The following PPIA variants were observed in gnomAD, a reference collection of about 807,000 sequenced individuals.
PPIA encodes the protein peptidyl-prolyl cis-trans isomerase A.
In PPIA, 2 loss-of-function variants were observed where a neutral mutation model predicts 15.3. The observed-to-expected ratio is 0.13, with a 90% confidence interval of 0.05 to 0.41. PPIA has a LOEUF of 0.41. PPIA is among the 10% of genes least tolerant of loss of function. PPIA has a pLI of 0.99. For missense variants in PPIA, 103 were observed against 210.3 expected (o/e 0.49, Z 3.16); for synonymous variants, 67 against 73.1 (o/e 0.92, Z 0.43).
At chr7:44,798,496 T>C (rs2331170) in intron 1 of PPIA, 150,844 of 155,068 alleles carry the variant, frequency 0.97, 73,514 homozygotes, top group East Asian at 1. Context: ...CTGGTGACAG[T>C]GAGACTCTTG....
At chr7:44,797,725 A>G (rs1792423424) in intron 1 of PPIA, among the ~76,000 whole-genome samples, 1 of 152,256 alleles carries the variant, frequency 6.6e-6, no homozygotes, top group Non-Finnish European at 1.5e-5. Flanking sequence ...CGTGTCTTCA[A>G]AGTTAAATAT....
At chr7:44,799,598 C>A in intron 3 of PPIA, 104 bp from the exon 4 acceptor site, 1 of 1,574,512 alleles carries the variant, frequency 6.4e-7, no homozygotes, top group Non-Finnish European at 8.7e-7. Flanking sequence ...TTCTATTTAA[C>A]CCTTCTATTC....
rs1193147082 is a variant in PPIA at position 44,801,909 on chromosome 7, A to G, written c.*487A>G. On this transcript the variant is annotated 3_prime_UTR_variant, in exon 5 of 5. Coordinates refer to ENST00000468812, the MANE Select transcript of PPIA (RefSeq NM_021130.5). Reference sequence around the variant, plus strand: ...CAACATAGTGAGACGCTGTCTCTACAAAAAATAATTAGCCTGGCCTGGTGG... The same window carrying G: ...CAACATAGTGAGACGCTGTCTCTACGAAAAATAATTAGCCTGGCCTGGTGG... 2 of 163,686 alleles carry G rather than the reference A, an allele frequency of 1.2e-5. No homozygotes were observed. The highest frequency in any genetic ancestry group is 2.5e-5 in the African/African-American group (1 of 40,752). The allele number at this position is 163,686 out of a possible 1,614,324, so 10.1% of individuals were successfully genotyped here. A position where few individuals can be genotyped will look rare whatever the true frequency, so the allele number is the denominator to read the frequency against.
At chr7:44,800,011 C>G in intron 4 of PPIA, 137 bp downstream of exon 4, 1 of 889,570 alleles carries the variant, frequency 1.1e-6, no homozygotes, top group Non-Finnish European at 1.7e-6. Flanking sequence ...GAAGAGCATA[C>G]ATAAACGACA....
In PPIA at chr7:44,801,438, T is replaced by A; in HGVS notation, c.*16T>A. Reference sequence around the variant, plus strand: ...ACTCGAATAAGTTTGACTTGTGTTTTATCTTAACCACCAGATCATTCCTTC... The same window carrying A: ...ACTCGAATAAGTTTGACTTGTGTTTAATCTTAACCACCAGATCATTCCTTC... On this transcript the variant is annotated 3_prime_UTR_variant, in exon 5 of 5. Transcript: ENST00000468812. 6.6e-7 allele frequency: 1 copy of A among 1,507,146 alleles called. No individual in the cohort carries two copies. The highest frequency in any genetic ancestry group is 1.1e-5 in the South Asian group (1 of 88,924). The allele number at this position is 1,507,146 out of a possible 1,614,324, so 93.4% of individuals were successfully genotyped here.
chr7:44,801,200 A>AT, intron 4 of PPIA, 87 bp from the exon 5 acceptor site: 1 of 1,413,276 alleles, frequency 7.1e-7, no homozygotes. Flanking sequence ...AAAAAAAAAA[A>AT]AAGCTACCTT....
At chr7:44,799,064 A>T in intron 1 of PPIA, 183 bp from the exon 2 acceptor site, 1 of 1,092,526 alleles carries the variant, frequency 9.2e-7, no homozygotes, top group Non-Finnish European at 1.2e-6. Context: ...TTTGGGTTTC[A>T]TGTTTCTTAA....
Position 44,799,385 on chromosome 7 carries a change from T to TA in PPIA, c.101-4dup. On this transcript the variant is annotated splice_region_variant and splice_polypyrimidine_tract_variant and intron_variant, in intron 2 of 4. Transcript: ENST00000468812. ...TGTATATATGTGTTTAATTTTTTTT[T>TA]AAACAGAAAATTTTCGTGCTCTGAG... is the stretch of plus-strand genomic sequence containing the variant. 1 of 1,611,706 alleles carries TA rather than the reference T, an allele frequency of 6.2e-7. No individual in the cohort carries two copies. Among genetic ancestry groups the TA allele is most frequent in the Non-Finnish European group, 8.5e-7 (1 of 1,179,360 alleles).
chr7:44,799,326 T>G (rs1038712891), intron 2 of PPIA, 49 bp downstream of exon 2: 5 of 1,537,288 alleles, frequency 3.3e-6, no homozygotes, highest in African/African-American at 1.5e-5. Context: ...TGTGACAGTT[T>G]GTGTGTGTGT....
chr7:44,796,745 C>T lies in PPIA; in HGVS notation c.21C>T (p.Phe7=). MVNPTV[F]FDIAVDGEPL... Reference sequence around the variant, plus strand: ...TAGCCATGGTCAACCCCACCGTGTTCTTCGACATTGCCGTCGACGGCGAGC... The same window carrying T: ...TAGCCATGGTCAACCCCACCGTGTTTTTCGACATTGCCGTCGACGGCGAGC... The change falls in exon 1 of 5, where the codon TTC becomes TTT. Residue 7 remains phenylalanine (F), a synonymous_variant. Transcript: ENST00000468812. 1 of 1,610,290 alleles carries T rather than the reference C, an allele frequency of 6.2e-7. No individual in the cohort carries two copies. Among genetic ancestry groups the T allele is most frequent in the Non-Finnish European group, 8.5e-7 (1 of 1,178,816 alleles).
Position 44,802,706 on chromosome 7 carries a change from C to G in PPIA, c.*1284C>G, listed in dbSNP as rs1583694969. On this transcript the variant is annotated 3_prime_UTR_variant, in exon 5 of 5. Transcript: ENST00000468812. ...TGGTTATGGAGGCTTTGAGGTTTTGCAAACCTGACCAATTTAAGCCATAAG... is the reference window on the plus strand; with the variant it reads ...TGGTTATGGAGGCTTTGAGGTTTTGGAAACCTGACCAATTTAAGCCATAAG... The G allele has an allele frequency of 6.6e-6, 1 of 152,298 alleles. No homozygotes were observed. Among genetic ancestry groups the G allele is most frequent in the East Asian group, 1.9e-4 (1 of 5,186 alleles). 9.4% of individuals were successfully genotyped at this position (152,298 alleles called of 1,614,324 possible). A position where few individuals can be genotyped will look rare whatever the true frequency, so the allele number is the denominator to read the frequency against.
rs961971571 is a variant in PPIA at position 44,801,504 on chromosome 7, G to A, written c.*82G>A. On this transcript the variant is annotated 3_prime_UTR_variant, in exon 5 of 5. Coordinates refer to ENST00000468812, the MANE Select transcript of PPIA (RefSeq NM_021130.5). ...CACCCCTCCACCCCATTTGCTCGCA[G>A]TATCCTAGAATCTTTGTGCTCTCGC... The A allele has an allele frequency of 1.4e-5, 15 of 1,084,338 alleles. No individual in the cohort carries two copies. Among genetic ancestry groups the A allele is most frequent in the East Asian group, 2.4e-5 (1 of 41,892 alleles). The allele number at this position is 1,084,338 out of a possible 1,614,324, so 67.2% of individuals were successfully genotyped here.
Position 44,796,803 on chromosome 7 carries a change from G to C in PPIA, c.69+10G>C. 1 of 1,601,990 alleles carries C rather than the reference G, an allele frequency of 6.2e-7. No individual in the cohort carries two copies. Among genetic ancestry groups the C allele is most frequent in the Non-Finnish European group, 8.5e-7 (1 of 1,175,060 alleles). On this transcript the variant is annotated intron_variant, in intron 1 of 4. Coordinates refer to ENST00000468812, the MANE Select transcript of PPIA (RefSeq NM_021130.5). ...CCGCGTCTCCTTTGAGGTCGGGCGGGCGGCGGCGTGCGGGAATGGGGCCCA... is the reference window on the plus strand; with the variant it reads ...CCGCGTCTCCTTTGAGGTCGGGCGGCCGGCGGCGTGCGGGAATGGGGCCCA...
chr7:44,802,242 G>A lies in PPIA; in HGVS notation c.*820G>A, dbSNP rs1048595500. ...CAGCTCACTGCAGCCTCCGCCTCCT[G>A]GGTTCAAGTGATTCTAGTGCCTCAG... On this transcript the variant is annotated 3_prime_UTR_variant, in exon 5 of 5. Coordinates refer to ENST00000468812, the MANE Select transcript of PPIA (RefSeq NM_021130.5). The A allele has an allele frequency of 6.8e-6, 1 of 148,052 alleles. No individual in the cohort carries two copies. Among genetic ancestry groups the A allele is most frequent in the Non-Finnish European group, 1.5e-5 (1 of 67,848 alleles). The allele number at this position is 148,052 out of a possible 1,614,324, so 9.2% of individuals were successfully genotyped here. A position where few individuals can be genotyped will look rare whatever the true frequency, so the allele number is the denominator to read the frequency against.
rs1223317610 is a variant in PPIA, at chr7:44,802,675, T to C, written c.*1253T>C. Reference sequence around the variant, plus strand: ...GCTTGTAGCATATAGAGCCTCTCCCTAGCTTTGGTTATGGAGGCTTTGAGG... The same window carrying C: ...GCTTGTAGCATATAGAGCCTCTCCCCAGCTTTGGTTATGGAGGCTTTGAGG... On this transcript the variant is annotated 3_prime_UTR_variant, in exon 5 of 5. Transcript: ENST00000468812. The C allele has an allele frequency of 3.3e-5, 5 of 152,208 alleles. No homozygotes were observed. The highest frequency in any genetic ancestry group is 1.2e-4 in the African/African-American group (5 of 41,452). 9.4% of individuals were successfully genotyped at this position (152,208 alleles called of 1,614,324 possible).
intron 1 of PPIA, among the ~76,000 whole-genome samples, chr7:44,797,584 G>A (rs1409367981): frequency 1.3e-5 from 2 of 152,182 alleles, no homozygotes; most frequent in Non-Finnish European, 2.9e-5. Flanking sequence ...TAGCAAGCAA[G>A]TTGCGACTGG....
intron 1 of PPIA, chr7:44,798,296 C>G (rs1346572419): frequency 6.6e-6 from 1 of 152,138 alleles, no homozygotes; most frequent in Non-Finnish European, 1.5e-5. Flanking sequence ...GGGCGGATCA[C>G]GAAGTCAGGA....
chr7:44,799,690 A>G lies in PPIA; in HGVS notation c.190-12A>G, dbSNP rs545858571. The G allele has an allele frequency of 3.2e-5, 51 of 1,613,762 alleles. No homozygotes were observed. The highest frequency in any genetic ancestry group is 3.6e-5 in the Non-Finnish European group (43 of 1,179,824). On this transcript the variant is annotated splice_polypyrimidine_tract_variant and intron_variant, in intron 3 of 4. Coordinates refer to ENST00000468812, the MANE Select transcript of PPIA (RefSeq NM_021130.5). ...TGTTGTCAGAAGTGACATTTTTCCT[A>G]TATGTTGACAGGGTGGTGACTTCAC...
At position 44,802,598 on chromosome 7, in the gene PPIA, C is replaced by G. The variant is rs559881826; in HGVS notation, c.*1176C>G. ...AAAGCCAGGTACTTGGTGCTACAGT[C>G]AGTCTCCCTGCAGAGGGTTAAGGCG... On this transcript the variant is annotated 3_prime_UTR_variant, in exon 5 of 5. Transcript: ENST00000468812. 2.6e-5 allele frequency: 4 copies of G among 152,252 alleles called. No individual in the cohort carries two copies. In the South Asian group the frequency reaches 8.3e-4, roughly 32 times the overall value. 9.4% of individuals were successfully genotyped at this position (152,252 alleles called of 1,614,324 possible). A position where few individuals can be genotyped will look rare whatever the true frequency, so the allele number is the denominator to read the frequency against.
Sources: allele counts gnomAD v4.1 joint callset (sites outside exome capture counted in the v4.1 genomes callset), GRCh38; gene constraint gnomAD v4.1.1; transcripts MANE v1.5; gene names NCBI Gene and HGNC (gene_info 2026-07-23, HGNC 2026-07-21).